SDK1: variants seen among roughly 807,000 people sequenced by gnomAD.
SDK1 encodes sidekick cell adhesion molecule 1.
SDK1 carries 157 observed loss-of-function variants against 245.5 expected under a neutral mutation model. That is an observed-to-expected ratio of 0.64 (90% confidence interval 0.56 to 0.73). SDK1 has a LOEUF of 0.73. SDK1 is among the 30% of genes least tolerant of loss of function. The probability of loss-of-function intolerance (pLI) is 0.00; values close to 1 mark genes in which losing one functional copy is unlikely to be tolerated. For synonymous variants in SDK1, 1,647 were observed against 1,278.5 expected (o/e 1.29, Z -6.15); for missense variants, 3,583 against 3,002.3 (o/e 1.19, Z -4.52).
chr7:3,692,752 A>G (rs375028549), intron 4 of SDK1, among the ~76,000 whole-genome samples: 1 of 152,126 alleles, frequency 6.6e-6, no homozygotes, highest in African/African-American at 2.4e-5. Flanking sequence ...GATCTATTCA[A>G]TGTAATATAC....
At chr7:3,632,242 A>G (rs2033441) in intron 2 of SDK1, among the ~76,000 whole-genome samples, 37,794 of 152,118 alleles carry the variant, frequency 0.25, 5,632 homozygotes, top group South Asian at 0.34. Flanking sequence ...TGGATTGCAC[A>G]TTTTCTGCCC....
intron 1 of SDK1, among the ~76,000 whole-genome samples, chr7:3,466,382 C>G (rs187096696): frequency 8.0e-5 from 12 of 150,622 alleles, no homozygotes; most frequent in African/African-American, 2.9e-4. Context: ...CATGCTGGCT[C>G]TCTGAAGTTG....
intron 1 of SDK1, among the ~76,000 whole-genome samples, chr7:3,503,605 G>C (rs191816737): frequency 3.9e-5 from 6 of 152,050 alleles, no homozygotes; most frequent in Non-Finnish European, 7.4e-5. Context: ...AGAGACCAGG[G>C]GTTTGAGGCT....
intron 5 of SDK1, among the ~76,000 whole-genome samples, chr7:3,927,706 C>G (rs1328111296): frequency 6.6e-6 from 1 of 152,234 alleles, no homozygotes; most frequent in Non-Finnish European, 1.5e-5. Context: ...CCTGAACATA[C>G]TTTGGCCACT....
chr7:3,914,480 G>A (rs569999397), intron 5 of SDK1, among the ~76,000 whole-genome samples: 2 of 152,304 alleles, frequency 1.3e-5, no homozygotes, highest in South Asian at 4.1e-4. Context: ...GGCTTAGAGG[G>A]TTTTTATGCT....
chr7:3,482,363 A>T (rs1420609598), intron 1 of SDK1, among the ~76,000 whole-genome samples: 1 of 152,156 alleles, frequency 6.6e-6, no homozygotes, highest in South Asian at 2.1e-4. Context: ...TTCTGAACTC[A>T]AGGGCCGGGA....
chr7:3,794,874 C>G (rs1284672810), intron 4 of SDK1, among the ~76,000 whole-genome samples: 2 of 151,920 alleles, frequency 1.3e-5, no homozygotes, highest in Non-Finnish European at 2.9e-5. Flanking sequence ...GTCTGTTGCC[C>G]TTCATGAATT....
In SDK1 at chr7:4,161,797, C is replaced by A. The variant is rs1234413508; in HGVS notation, c.4741C>A (p.Pro1581Thr). Residue 1581 changes from proline to threonine, a missense_variant, in exon 32 of 45, where the codon CCC becomes ACC. By Grantham distance (38) the Pro-to-Thr change is conservative. Coordinates refer to ENST00000404826, the MANE Select transcript of SDK1 (RefSeq NM_152744.4). ...CCTGTGTGTTTCAGTTCCAGGAGAGCCCCCGGGATCTGTCTCAGCGACGCC... is the reference window on the plus strand; with the variant it reads ...CCTGTGTGTTTCAGTTCCAGGAGAGACCCCGGGATCTGTCTCAGCGACGCC... ...VTTLQDVPGEPPGSVSATPHT... is the reference protein window; with the variant it reads ...VTTLQDVPGETPGSVSATPHT... The A allele has an allele frequency of 5.0e-6, 8 of 1,612,932 alleles. No individual in the cohort carries two copies. Among genetic ancestry groups the A allele is most frequent in the Non-Finnish European group, 6.8e-6 (8 of 1,179,060 alleles).
intron 5 of SDK1, among the ~76,000 whole-genome samples, chr7:3,832,799 A>G (rs1207019062): frequency 6.6e-6 from 1 of 151,158 alleles, no homozygotes. Flanking sequence ...GCACCCCTTT[A>G]CCTTTTATGA....
At chr7:4,153,051 G>T (rs1389602951) in intron 30 of SDK1, among the ~76,000 whole-genome samples, 1 of 152,124 alleles carries the variant, frequency 6.6e-6, no homozygotes, top group East Asian at 1.9e-4. Flanking sequence ...AGCAGTGGCT[G>T]TGCGGGCTCA....
Position 3,973,640 on chromosome 7 carries a change from C to T in SDK1, c.1818-729C>T, listed in dbSNP as rs144222416. 1.3e-5 allele frequency among the ~76,000 whole-genome samples: 2 copies of T among 151,838 alleles called. 1 individual carries two copies. Among genetic ancestry groups the T allele is most frequent in the South Asian group, 4.1e-4 (2 of 4,822 alleles). On this transcript the variant is annotated intron_variant, in intron 12 of 44. Transcript: ENST00000404826. ...TTTTTAAACAGTCGTTGCCTCCTGTCCAGACAACACTCTTGTCCTCCAGGA... is the reference window on the plus strand; with the variant it reads ...TTTTTAAACAGTCGTTGCCTCCTGTTCAGACAACACTCTTGTCCTCCAGGA...
chr7:4,254,498 T>C (rs1289966334), intron 44 of SDK1, among the ~76,000 whole-genome samples: 2 of 152,230 alleles, frequency 1.3e-5, no homozygotes, highest in Admixed American at 1.3e-4. Context: ...TTTATTGATA[T>C]TCTTCAATTG....
intron 17 of SDK1, among the ~76,000 whole-genome samples, chr7:4,037,695 G>T (rs912182867): frequency 3.3e-5 from 5 of 152,236 alleles, no homozygotes; most frequent in African/African-American, 1.2e-4. Context: ...CAAAAAGCAA[G>T]TGGGACCATA....
chr7:3,558,083 C>T (rs1364712296), intron 1 of SDK1, among the ~76,000 whole-genome samples: 3 of 144,198 alleles, frequency 2.1e-5, no homozygotes, highest in Admixed American at 7.5e-5. Context: ...ACTTTAGATG[C>T]CACGTGGCAT....
intron 1 of SDK1, among the ~76,000 whole-genome samples, chr7:3,347,878 A>T (rs1178152278): frequency 7.5e-6 from 1 of 133,596 alleles, no homozygotes; most frequent in Non-Finnish European, 1.6e-5. Flanking sequence ...GCCAGTTACA[A>T]ACACATTAAA....
intron 4 of SDK1, among the ~76,000 whole-genome samples, chr7:3,818,992 C>T (rs569880452): frequency 1.3e-4 from 20 of 152,234 alleles, no homozygotes; most frequent in African/African-American, 4.1e-4. Flanking sequence ...GATGGGCACA[C>T]GATACTTGCT....
At chr7:3,989,968 G>A (rs962374782) in intron 14 of SDK1, among the ~76,000 whole-genome samples, 7 of 152,204 alleles carry the variant, frequency 4.6e-5, no homozygotes, top group African/African-American at 1.2e-4. Context: ...TCCCTGTGCT[G>A]TCTGACTCCA....
intron 38 of SDK1, among the ~76,000 whole-genome samples, chr7:4,211,163 G>T (rs377260268): frequency 1.3e-5 from 2 of 152,182 alleles, no homozygotes; most frequent in Non-Finnish European, 2.9e-5. Flanking sequence ...TCAGTGTCAC[G>T]ATGGAAAGAA....
intron 40 of SDK1, chr7:4,233,006 A>C: frequency 2.4e-6 from 1 of 410,664 alleles, no homozygotes; most frequent in East Asian, 3.5e-5. Context: ...TCCCACTATG[A>C]CCATTTCAAG....
Sources: gnomAD v4.1 joint callset for allele counts (sites outside exome capture counted in the v4.1 genomes callset) on GRCh38, gnomAD v4.1.1 for gene constraint, MANE v1.5 for transcripts, NCBI Gene and HGNC (gene_info 2026-07-23, HGNC 2026-07-21) for gene names.